ADAMTS17: variants seen among roughly 807,000 people sequenced by gnomAD.
ADAMTS17 encodes ADAM metallopeptidase with thrombospondin type 1 motif 17.
In ADAMTS17, 113 loss-of-function variants were observed where a neutral mutation model predicts 141.5. The observed-to-expected ratio is 0.80, with a 90% CI of 0.69 to 0.93. ADAMTS17 has a LOEUF of 0.93. Ranked by LOEUF, ADAMTS17 falls within the 40% of genes least tolerant of loss-of-function variation. The pLI, the probability that ADAMTS17 is intolerant of heterozygous loss-of-function variation, is 0.00. For synonymous variants in ADAMTS17, 768 were observed against 630.6 expected, an observed-to-expected ratio of 1.22 and a Z score of -3.27; for missense variants, 1,659 against 1,517.9, an observed-to-expected ratio of 1.09 and a Z score of -1.54.
At position 100,054,098 on chromosome 15, in the gene ADAMTS17, AG is replaced by A. The variant is rs774584240; in HGVS notation, c.2138-45del. ...ACCAAAGAATCAAGGGGCTGGGGGT[AG>A]GGGGATCCAGCCTGTCTTTAAACGG... On this transcript the variant is annotated intron_variant, in intron 15 of 21. Coordinates refer to ENST00000268070, the MANE Select transcript of ADAMTS17 (RefSeq NM_139057.4). 29 of 1,611,002 alleles carry A rather than the reference AG, an allele frequency of 1.8e-5. No individual in the cohort carries two copies. In the African/African-American group the frequency reaches 3.1e-4, roughly 17 times the overall value.
In ADAMTS17 at chr15:99,997,355, T is replaced by C. The variant is rs200054320; in HGVS notation, c.2796+30A>G. On this transcript the variant is annotated intron_variant, in intron 19 of 21. Transcript: ENST00000268070. The surrounding 1 kb of genome is among the most constrained non-coding windows in gnomAD (Gnocchi z 4.7). ...GGCACCGTGTTGGAGTCCCTGTGGC[T>C]GAGTCCTGGTGGCAAGCCCAGGCAC... is the stretch of plus-strand genomic sequence containing the variant. 385 of 1,613,008 alleles carry C rather than the reference T, an allele frequency of 2.4e-4. 2 individuals carry two copies. In the East Asian group the frequency reaches 7.8e-3, roughly 33 times the overall value.
intron 20 of ADAMTS17, among the ~76,000 whole-genome samples, chr15:99,981,917 A>G (rs1307235718): frequency 6.6e-6 from 1 of 152,226 alleles, no homozygotes; most frequent in Non-Finnish European, 1.5e-5. Flanking sequence ...ATCCACAGGT[A>G]ATATACTCTC....
rs1487155604 is a variant in ADAMTS17 at position 99,993,735 on chromosome 15, T to C, written c.2797-535A>G. On this transcript the variant is annotated intron_variant, in intron 19 of 21. Transcript: ENST00000268070. The surrounding 1 kb of genome is among the most constrained non-coding windows in gnomAD (Gnocchi z 4.3). ...GAAGGAAGGAAAAGCCACAGATGACTTTCTCGTGAGGCAGGTGGAAAGCCT... is the reference window on the plus strand; with the variant it reads ...GAAGGAAGGAAAAGCCACAGATGACCTTCTCGTGAGGCAGGTGGAAAGCCT... Among the ~76,000 whole-genome samples, 1 of 152,178 alleles carries C rather than the reference T, an allele frequency of 6.6e-6. No homozygotes were observed. Among genetic ancestry groups the C allele is most frequent in the East Asian group, 1.9e-4 (1 of 5,192 alleles).
At chr15:100,072,508 A>G (rs936464981) in intron 15 of ADAMTS17, among the ~76,000 whole-genome samples, 1 of 151,866 alleles carries the variant, frequency 6.6e-6, no homozygotes, top group Non-Finnish European at 1.5e-5. Context: ...TTCAAACTAT[A>G]CTACAAGGCT....
At chr15:100,273,854 T>C (rs2043993498) in intron 4 of ADAMTS17, among the ~76,000 whole-genome samples, 1 of 152,194 alleles carries the variant, frequency 6.6e-6, no homozygotes, top group Non-Finnish European at 1.5e-5. Flanking sequence ...GCTTTGTCCT[T>C]GTCCCATAAG....
At chr15:100,133,686 G>A (rs546356350) in intron 10 of ADAMTS17, among the ~76,000 whole-genome samples, 1 of 152,146 alleles carries the variant, frequency 6.6e-6, no homozygotes, top group Non-Finnish European at 1.5e-5. Context: ...GGGCTGTCTA[G>A]GGGACACAGA....
chr15:100,294,574 G>A lies in ADAMTS17; in HGVS notation c.617-13173C>T, dbSNP rs994103447. ...AAAAAAAAAAAAAGCTGGGGATGGTGGCACGTGCTTGTAGTCCCGGCGACT... is the reference window on the plus strand; with the variant it reads ...AAAAAAAAAAAAAGCTGGGGATGGTAGCACGTGCTTGTAGTCCCGGCGACT... On this transcript the variant is annotated intron_variant, in intron 3 of 21. Transcript: ENST00000268070. 9.9e-5 allele frequency among the ~76,000 whole-genome samples: 15 copies of A among 151,984 alleles called. 2 individuals carry two copies. Among genetic ancestry groups the A allele is most frequent in the Admixed American group, 9.8e-4 (15 of 15,248 alleles).
At chr15:100,080,447 A>G (rs959257765) in intron 15 of ADAMTS17, among the ~76,000 whole-genome samples, 2 of 152,156 alleles carry the variant, frequency 1.3e-5, no homozygotes, top group African/African-American at 2.4e-5. Context: ...TAGTATCACC[A>G]TGCCCTGTGA....
At chr15:100,142,205 A>C (rs1271218375) in intron 10 of ADAMTS17, among the ~76,000 whole-genome samples, 2 of 152,250 alleles carry the variant, frequency 1.3e-5, no homozygotes, top group African/African-American at 4.8e-5. Context: ...TCAGAGGAAC[A>C]AACTTTGTTG....
In ADAMTS17 at chr15:99,978,058, C is replaced by T. The variant is rs552843324; in HGVS notation, c.2950-1836G>A. Among the ~76,000 whole-genome samples the T allele has an allele frequency of 3.9e-5, 6 of 152,304 alleles. No homozygotes were observed. The East Asian group carries it at 5.8e-4, about 15-fold the overall frequency. Reference sequence around the variant, plus strand: ...GCAGCCTTGTTCTCTGAATGCCACACGTGGTGAGGGAGGCAGGTGCCCCGC... The same window carrying T: ...GCAGCCTTGTTCTCTGAATGCCACATGTGGTGAGGGAGGCAGGTGCCCCGC... On this transcript the variant is annotated intron_variant, in intron 20 of 21. Coordinates refer to ENST00000268070, the MANE Select transcript of ADAMTS17 (RefSeq NM_139057.4).
chr15:100,185,678 G>A (rs564237985), intron 8 of ADAMTS17, among the ~76,000 whole-genome samples: 32 of 152,258 alleles, frequency 2.1e-4, no homozygotes, highest in Non-Finnish European at 3.2e-4. Flanking sequence ...CAGCTCTGCT[G>A]TCGGGGGCTG....
rs376910123 is a variant in ADAMTS17, at chr15:100,152,232, C to T, written c.1473+380G>A. Among the ~76,000 whole-genome samples the T allele has an allele frequency of 3.0e-4, 46 of 152,230 alleles. 1 individual carries two copies. Among genetic ancestry groups the T allele is most frequent in the African/African-American group, 1.0e-3 (43 of 41,548 alleles). On this transcript the variant is annotated intron_variant, in intron 10 of 21. Transcript: ENST00000268070. ...GATCCATGCAGTGTTTGAAGTCAGG[C>T]GACAGTGTCCTGCGTCTCTAGTGTC...
chr15:100,203,317 A>G (rs887778690), intron 7 of ADAMTS17, among the ~76,000 whole-genome samples: 1 of 152,230 alleles, frequency 6.6e-6, no homozygotes, highest in African/African-American at 2.4e-5. Flanking sequence ...TCATGCCTGT[A>G]ATCCCAGCAC....
chr15:100,055,653 TC>T (rs1329575391), intron 15 of ADAMTS17, among the ~76,000 whole-genome samples: 1 of 150,782 alleles, frequency 6.6e-6, no homozygotes, highest in Non-Finnish European at 1.5e-5. Context: ...CGAATCTGTT[TC>T]CCTTCAAGAA....
rs2035757230 is a variant in ADAMTS17 at position 100,096,371 on chromosome 15, G to A, written c.2122C>T (p.His708Tyr). 1.2e-6 allele frequency: 2 copies of A among 1,613,824 alleles called. No homozygotes were observed. The highest frequency in any genetic ancestry group is 2.2e-5 in the South Asian group (2 of 91,092). ...CAACACTCACCTGTCCCCCGGGCGT[G>A]GCTGAAGTCGCCCTTCACCAAGTGG... ...TCHLVKGDFS[H>Y]ARGTALKDSG... Residue 708 changes from histidine (H) to tyrosine (Y), a missense_variant, in exon 15 of 22, where the codon CAC becomes TAC. His to Tyr is a moderately conservative substitution (Grantham distance 83). Transcript: ENST00000268070.
intron 18 of ADAMTS17, among the ~76,000 whole-genome samples, chr15:100,027,644 G>A (rs962908712): frequency 9.9e-5 from 15 of 152,218 alleles, no homozygotes; most frequent in African/African-American, 3.6e-4. Context: ...AGCTTGTAAA[G>A]CCTAAAATAT....
intron 12 of ADAMTS17, among the ~76,000 whole-genome samples, chr15:100,119,464 A>G (rs2037341014): frequency 6.6e-6 from 1 of 152,220 alleles, no homozygotes; most frequent in African/African-American, 2.4e-5. Flanking sequence ...ACACTTGAGT[A>G]TAGACTCTGA....
At chr15:100,052,137 C>T (rs2032197755) in intron 16 of ADAMTS17, among the ~76,000 whole-genome samples, 1 of 152,222 alleles carries the variant, frequency 6.6e-6, no homozygotes. Context: ...TAAACTTTTA[C>T]CTAGAAAGGC....
chr15:100,205,403 T>C (rs556881666), intron 7 of ADAMTS17, among the ~76,000 whole-genome samples: 42 of 152,062 alleles, frequency 2.8e-4, no homozygotes, highest in African/African-American at 8.2e-4. Context: ...AACGAATAAG[T>C]GGTGATGTTC....
Sources: allele counts gnomAD v4.1 joint callset (sites outside exome capture counted in the v4.1 genomes callset), GRCh38; gene constraint gnomAD v4.1.1; non-coding constraint Gnocchi (gnomAD v3.1); transcripts MANE v1.5; gene names NCBI Gene and HGNC (gene_info 2026-07-23, HGNC 2026-07-21).